Variants in SHROOM4 observed in about 807,000 individuals in gnomAD.
SHROOM4 encodes the protein shroom family member 4, also known as protein Shroom4.
Under a neutral mutation model 80.3 loss-of-function variants are expected in SHROOM4, and 17 were observed. The ratio of observed to expected loss-of-function variants is 0.21; its 90% confidence interval spans 0.14 to 0.32. SHROOM4 has a LOEUF of 0.32. Among genes scored for constraint, SHROOM4 ranks in the 10% least tolerant of loss-of-function variants. SHROOM4 has a pLI of 1.00. For synonymous variants in SHROOM4, 400 were observed against 437.5 expected, an observed-to-expected ratio of 0.91 and a Z score of 1.07; for missense variants, 993 against 1,140.3, an observed-to-expected ratio of 0.87 and a Z score of 1.86.
intron 1 of SHROOM4, 55 bp downstream of exon 1, chrX:50,813,847 C>G (rs1557273713): frequency 1.0e-6 from 1 of 970,682 alleles, no homozygotes; most frequent in African/African-American, 1.9e-5. Context: ...AGCCTTCGCA[C>G]CCGCTTGTCC....
At chrX:50,785,542 G>A (rs1239161211) in intron 1 of SHROOM4, among the ~76,000 whole-genome samples, 1 of 111,782 alleles carries the variant, frequency 8.9e-6, no homozygotes, top group Non-Finnish European at 1.9e-5. Context: ...ACAGATATAA[G>A]TATAATTATG....
intron 1 of SHROOM4, among the ~76,000 whole-genome samples, chrX:50,782,870 G>A (rs1336530903): frequency 5.4e-5 from 6 of 111,330 alleles, no homozygotes; most frequent in African/African-American, 2.0e-4. Context: ...GGGGAAATGG[G>A]GAGTTGCTAA....
At chrX:50,772,844 A>G (rs1292553206) in intron 1 of SHROOM4, among the ~76,000 whole-genome samples, 2 of 112,056 alleles carry the variant, frequency 1.8e-5, no homozygotes, top group South Asian at 3.8e-4. Flanking sequence ...ACAAAGATGA[A>G]TAAGGCAGAC....
rs992650469 is a variant in SHROOM4, at chrX:50,753,522, T to G, written c.118-57585A>C. Among the ~76,000 whole-genome samples, 6 of 111,803 alleles carry G rather than the reference T, an allele frequency of 5.4e-5. No homozygotes were observed. In the South Asian group the frequency reaches 2.3e-3, roughly 42 times the overall value. The stretch of plus-strand genomic sequence containing the variant: ...CCTAGCACTGAGCTGTCCAGTACAG[T>G]AGCCATCCACTAGCCACGTGTGACT... On this transcript the variant is annotated intron_variant, in intron 1 of 8. Coordinates refer to ENST00000376020, the MANE Select transcript of SHROOM4 (RefSeq NM_020717.5).
intron 2 of SHROOM4, among the ~76,000 whole-genome samples, chrX:50,642,980 A>C (rs1557257431): frequency 9.0e-6 from 1 of 111,472 alleles, no homozygotes; most frequent in Non-Finnish European, 1.9e-5. Flanking sequence ...TTCCCTCAAG[A>C]AGCAGTCAGC....
At chrX:50,626,048 C>T (rs782358375) in intron 5 of SHROOM4, among the ~76,000 whole-genome samples, 50 of 111,957 alleles carry the variant, frequency 4.5e-4, no homozygotes, top group Non-Finnish European at 7.7e-4. Flanking sequence ...GTACTCTTAT[C>T]CCATTTTATA....
At chrX:50,769,034 T>C (rs1402339909) in intron 1 of SHROOM4, among the ~76,000 whole-genome samples, 2 of 111,450 alleles carry the variant, frequency 1.8e-5, no homozygotes, top group Admixed American at 1.9e-4. Context: ...AGCCATTTCC[T>C]GAGCAGATCC....
At chrX:50,623,525 A>C (rs782417602) in intron 5 of SHROOM4, among the ~76,000 whole-genome samples, 2 of 111,929 alleles carry the variant, frequency 1.8e-5, no homozygotes, top group Non-Finnish European at 3.8e-5. Context: ...AGTAACAATT[A>C]ATCTTTGTAG....
chrX:50,639,545 T>C (rs781845934), intron 2 of SHROOM4, among the ~76,000 whole-genome samples: 2 of 111,595 alleles, frequency 1.8e-5, no homozygotes, highest in South Asian at 7.6e-4. Context: ...AATTTATTCA[T>C]ATTTACTGTG....
Position 50,689,177 on chromosome X carries a change from A to AC in SHROOM4, c.269+6608dup, listed in dbSNP as rs782774622. Reference sequence around the variant, plus strand: ...ACTATACATTGCACATTGGAAAACCACTATGTACCCCATAAATACGTACTA... The same window carrying AC: ...ACTATACATTGCACATTGGAAAACCACCTATGTACCCCATAAATACGTACTA... On this transcript the variant is annotated intron_variant, in intron 2 of 8. Coordinates refer to ENST00000376020, the MANE Select transcript of SHROOM4 (RefSeq NM_020717.5). 3.0e-3 allele frequency among the ~76,000 whole-genome samples: 341 copies of AC among 111,850 alleles called. 2 individuals are homozygous for AC. The highest frequency in any genetic ancestry group is 0.011 in the African/African-American group (325 of 30,851).
chrX:50,656,069 GTC>G, intron 2 of SHROOM4, among the ~76,000 whole-genome samples: 1 of 111,404 alleles, frequency 9.0e-6, no homozygotes, highest in Non-Finnish European at 1.9e-5. Flanking sequence ...TTTGAGAAAT[GTC>G]TCTTCAGATC....
intron 1 of SHROOM4, among the ~76,000 whole-genome samples, chrX:50,784,697 G>A (rs782287544): frequency 8.1e-5 from 9 of 111,572 alleles, no homozygotes; most frequent in Non-Finnish European, 1.1e-4. Flanking sequence ...TAGTTACATC[G>A]GTTAAGGCAA....
intron 2 of SHROOM4, among the ~76,000 whole-genome samples, chrX:50,647,461 A>G (rs1368417694): frequency 9.0e-6 from 1 of 111,622 alleles, no homozygotes; most frequent in Non-Finnish European, 1.9e-5. Context: ...GACTCAACAG[A>G]TAGCCTTAAA....
rs782709026 is a variant in SHROOM4, at chrX:50,635,131, C to T, written c.942G>A (p.Glu314=). Residue 314 remains glutamate, a synonymous_variant, in exon 4 of 9, where the codon GAG becomes GAA. Coordinates refer to ENST00000376020, the MANE Select transcript of SHROOM4 (RefSeq NM_020717.5). Reference sequence around the variant, plus strand: ...TAGGGTTCCTTGCGGGTAGCACAGGCTCTAAGCTCAGTTTCTCCTTCTGTG... The same window carrying T: ...TAGGGTTCCTTGCGGGTAGCACAGGTTCTAAGCTCAGTTTCTCCTTCTGTG... The part of the protein sequence containing the change: ...PLPQKEKLSL[E]PVLPARNPNR... The T allele has an allele frequency of 8.3e-7, 1 of 1,210,940 alleles. No homozygotes were observed. Among genetic ancestry groups the T allele is most frequent in the Admixed American group, 2.2e-5 (1 of 46,000 alleles).
intron 2 of SHROOM4, among the ~76,000 whole-genome samples, chrX:50,659,052 G>A (rs1204847373): frequency 9.0e-6 from 1 of 111,580 alleles, no homozygotes; most frequent in Non-Finnish European, 1.9e-5. Flanking sequence ...TCAAGGAAGG[G>A]TAGAAATTCA....
chrX:50,683,565 T>C (rs1379907588), intron 2 of SHROOM4, among the ~76,000 whole-genome samples: 3 of 111,444 alleles, frequency 2.7e-5, no homozygotes, highest in African/African-American at 9.8e-5. Flanking sequence ...TTTCAGCATA[T>C]ATAAAATGGC....
chrX:50,668,737 A>G (rs1932758951), intron 2 of SHROOM4, among the ~76,000 whole-genome samples: 1 of 112,129 alleles, frequency 8.9e-6, no homozygotes, highest in Non-Finnish European at 1.9e-5. Context: ...GAAAAAACAG[A>G]AAGACTTACA....
chrX:50,608,054 C>T lies in SHROOM4; in HGVS notation c.3088G>A (p.Ala1030Thr). 8.3e-7 allele frequency: 1 copy of T among 1,211,348 alleles called. No individual in the cohort carries two copies. Reference sequence around the variant, plus strand: ...GAAGTTTCCTCTGATTTTTTCAAAGCATGTTTGAAGTCTCCAAGGAGGTCA... The same window carrying T: ...GAAGTTTCCTCTGATTTTTTCAAAGTATGTTTGAAGTCTCCAAGGAGGTCA... The part of the protein sequence containing the change: ...SLDLLGDFKH[A>T]LKKSEETSVY... The change falls in exon 6 of 9, where the codon GCT (alanine) becomes ACT (threonine). Residue 1030 changes from alanine to threonine, a missense_variant. Ala to Thr is a moderately conservative substitution (Grantham distance 58). Transcript: ENST00000376020.
At chrX:50,735,007 A>G (rs1381595727) in intron 1 of SHROOM4, among the ~76,000 whole-genome samples, 1 of 109,927 alleles carries the variant, frequency 9.1e-6, no homozygotes, top group Admixed American at 9.8e-5. Context: ...TCCTTCCTTT[A>G]TAAGTTACCC....
Sources: gnomAD v4.1 joint callset for allele counts (sites outside exome capture counted in the v4.1 genomes callset) on GRCh38, gnomAD v4.1.1 for gene constraint, MANE v1.5 for transcripts, NCBI Gene and HGNC (gene_info 2026-07-23, HGNC 2026-07-21) for gene names.